Variants in TMEM130 observed in about 807,000 individuals in gnomAD.
TMEM130 encodes the protein transmembrane protein 130.
A neutral mutation model predicts 42.9 loss-of-function variants in TMEM130; 37 were observed. That is an observed-to-expected ratio of 0.86 (90% CI 0.66 to 1.13). The LOEUF is 1.13. TMEM130 is among the 50% of genes most tolerant of loss of function. The pLI is 0.00. For missense variants in TMEM130, 545 were observed against 562.6 expected (o/e 0.97, Z 0.32); for synonymous variants, 259 against 237.7 (o/e 1.09, Z -0.82).
intron 1 of TMEM130, among the ~76,000 whole-genome samples, chr7:98,865,221 C>T (rs1554400470): frequency 6.6e-6 from 1 of 152,232 alleles, no homozygotes; most frequent in Non-Finnish European, 1.5e-5. Context: ...GAGTCCCTTC[C>T]ATGGACCCCA....
At position 98,867,866 on chromosome 7, in the gene TMEM130, T is replaced by C. The variant is rs73711440; in HGVS notation, c.85+1911A>G. On this transcript the variant is annotated intron_variant, in intron 1 of 7. Coordinates refer to ENST00000339375, the MANE Select transcript of TMEM130 (RefSeq NM_152913.3). ...ATGGCCAGGACATCCAGGGTGGAAA[T>C]GGACCAGGAAGCCTTTGCCAAATGT... Among the ~76,000 whole-genome samples, 508 of 152,238 alleles carry C rather than the reference T, an allele frequency of 3.3e-3. 2 individuals are homozygous for C. Among genetic ancestry groups the C allele is most frequent in the African/African-American group, 0.011 (468 of 41,542 alleles).
At chr7:98,864,381 C>CT (rs77399182) in intron 1 of TMEM130, among the ~76,000 whole-genome samples, 1,425 of 137,906 alleles carry the variant, frequency 0.01, 8 homozygotes, top group African/African-American at 0.019. Context: ...TGATTTTTTT[C>CT]TTTTTTTTTT....
intron 1 of TMEM130, among the ~76,000 whole-genome samples, chr7:98,868,323 GC>G (rs1424871031): frequency 6.6e-6 from 1 of 152,120 alleles, no homozygotes; most frequent in African/African-American, 2.4e-5. Context: ...GACTCCAAGG[GC>G]CCCCCAAGTC....
chr7:98,851,537 G>A lies in TMEM130; in HGVS notation c.890C>T (p.Thr297Ile). The A allele has an allele frequency of 6.2e-7, 1 of 1,614,156 alleles. No individual in the cohort carries two copies. Among genetic ancestry groups the A allele is most frequent in the Non-Finnish European group, 8.5e-7 (1 of 1,180,030 alleles). ...GECHPVSVAS[T>I]AYNLTHTFRD... Reference sequence around the variant, plus strand: ...GAAGGTGTGGGTCAGGTTGTACGCTGTGCTGGCCACGGACACAGGGTGGCA... The same window carrying A: ...GAAGGTGTGGGTCAGGTTGTACGCTATGCTGGCCACGGACACAGGGTGGCA... Residue 297 changes from threonine to isoleucine, a missense_variant, in exon 6 of 8, where the codon ACA (threonine) becomes ATA (isoleucine). Coordinates refer to ENST00000339375, the MANE Select transcript of TMEM130 (RefSeq NM_152913.3).
Position 98,863,094 on chromosome 7 carries a change from C to A in TMEM130, c.391+1G>T. ...AACTAGCAAATGGGAGCGACCCTCA[C>A]CTGTGATGGGGAGGACCACAAAGCC... On this transcript the variant is annotated splice_donor_variant, in intron 2 of 7. Transcript: ENST00000339375. LOFTEE classifies it high-confidence loss of function. The A allele has an allele frequency of 1.2e-6, 2 of 1,610,390 alleles. No individual in the cohort carries two copies. The highest frequency in any genetic ancestry group is 1.7e-6 in the Non-Finnish European group (2 of 1,178,252).
At chr7:98,853,542 C>T (rs1363881096) in intron 5 of TMEM130, among the ~76,000 whole-genome samples, 4 of 152,172 alleles carry the variant, frequency 2.6e-5, no homozygotes, top group African/African-American at 2.4e-5. Context: ...GCAGGAGAAT[C>T]GCTTGAACCC....
chr7:98,852,002 A>G (rs1277021479), intron 5 of TMEM130, among the ~76,000 whole-genome samples: 2 of 152,208 alleles, frequency 1.3e-5, no homozygotes, highest in Non-Finnish European at 2.9e-5. Flanking sequence ...GCTGAAGTGC[A>G]GTGGCTCAAT....
intron 3 of TMEM130, among the ~76,000 whole-genome samples, chr7:98,856,432 C>T (rs1284834761): frequency 6.6e-6 from 1 of 152,236 alleles, no homozygotes; most frequent in Non-Finnish European, 1.5e-5. Context: ...ACAAATTTCT[C>T]ACATTAGCCA....
intron 6 of TMEM130, 127 bp downstream of exon 6, chr7:98,851,294 G>T: frequency 1.1e-6 from 1 of 908,908 alleles, no homozygotes; most frequent in African/African-American, 1.6e-5. Context: ...TGGTGCTGAT[G>T]CTAGCGGGCT....
chr7:98,865,287 C>T (rs1312269017), intron 1 of TMEM130, among the ~76,000 whole-genome samples: 42 of 152,198 alleles, frequency 2.8e-4, no homozygotes, highest in Admixed American at 2.7e-3. Context: ...CCTGGAGGGA[C>T]CTCACAGGAG....
chr7:98,854,298 C>A (rs1331841830), intron 5 of TMEM130, among the ~76,000 whole-genome samples: 1 of 152,150 alleles, frequency 6.6e-6, no homozygotes, highest in Non-Finnish European at 1.5e-5. Context: ...CTGAAAGAAC[C>A]ACATGGGCAA....
chr7:98,854,966 G>A (rs145067685), intron 5 of TMEM130, among the ~76,000 whole-genome samples: 1,843 of 152,316 alleles, frequency 0.012, 20 homozygotes, highest in South Asian at 0.033. Flanking sequence ...AACCAGGGAG[G>A]CAGAGGTCGC....
intron 3 of TMEM130, among the ~76,000 whole-genome samples, chr7:98,858,961 G>C (rs1411883733): frequency 6.8e-6 from 1 of 147,488 alleles, no homozygotes; most frequent in Admixed American, 6.8e-5. Context: ...GGGGAGGGGA[G>C]GGTAGGAAGG....
At chr7:98,848,255 C>G (rs1554397695) in intron 7 of TMEM130, 47 bp from the exon 8 acceptor site, 1 of 1,610,814 alleles carries the variant, frequency 6.2e-7, no homozygotes, top group Non-Finnish European at 8.5e-7. Flanking sequence ...CTATGATGAA[C>G]AAAATCCCAC....
At position 98,869,914 on chromosome 7, in the gene TMEM130, G is replaced by A. The variant is rs1380877688; in HGVS notation, c.-53C>T. The A allele has an allele frequency of 8.9e-6, 11 of 1,237,174 alleles. No homozygotes were observed. The Admixed American group carries it at 4.0e-4, about 45-fold the overall frequency. The allele number at this position is 1,237,174 out of a possible 1,614,324, so 76.6% of individuals were successfully genotyped here. Reference sequence around the variant, plus strand: ...GGGCGGACGCGGAGGGAATGCAGCTGGAGCTCGAGAACTGCGGCGGTCGCT... The same window carrying A: ...GGGCGGACGCGGAGGGAATGCAGCTAGAGCTCGAGAACTGCGGCGGTCGCT... On this transcript the variant is annotated 5_prime_UTR_variant, in exon 1 of 8. Coordinates refer to ENST00000339375, the MANE Select transcript of TMEM130 (RefSeq NM_152913.3). The surrounding 1 kb of genome is among the most constrained non-coding windows in gnomAD (Gnocchi z 4.7).
Position 98,863,236 on chromosome 7 carries a change from T to G in TMEM130, c.250A>C (p.Lys84Gln). The change falls in exon 2 of 8, where the codon AAG becomes CAG. Residue 84 changes from lysine to glutamine, a missense_variant. Physicochemically the swap from Lys to Gln is moderately conservative, Grantham distance 53 (BLOSUM62 1). Transcript: ENST00000339375. Reference sequence around the variant, plus strand: ...GTGGAGCTGAGACCCTTCTCCATCTTGCCAGTAAGCACCAGCGGGGTGTGG... The same window carrying G: ...GTGGAGCTGAGACCCTTCTCCATCTGGCCAGTAAGCACCAGCGGGGTGTGG... ...WIHTPLVLTG[K>Q]MEKGLSSTIR... is the part of the protein sequence containing the mutation. 6.2e-7 allele frequency: 1 copy of G among 1,614,070 alleles called. No individual in the cohort carries two copies. The highest frequency in any genetic ancestry group is 1.1e-5 in the South Asian group (1 of 91,076).
intron 3 of TMEM130, among the ~76,000 whole-genome samples, chr7:98,857,382 T>C (rs546524904): frequency 4.6e-5 from 7 of 152,294 alleles, no homozygotes; most frequent in African/African-American, 1.7e-4. Flanking sequence ...AGGTCACTTT[T>C]GTCACCAAGA....
Position 98,863,320 on chromosome 7 carries a change from T to C in TMEM130, c.166A>G (p.Lys56Glu), listed in dbSNP as rs1554400147. The C allele has an allele frequency of 6.2e-7, 1 of 1,612,458 alleles. No individual in the cohort carries two copies. The highest frequency in any genetic ancestry group is 8.5e-7 in the Non-Finnish European group (1 of 1,179,922). Residue 56 changes from lysine to glutamate, a missense_variant, in exon 2 of 8, where the codon AAG becomes GAG. Lys to Glu is a moderately conservative substitution (Grantham distance 56). Coordinates refer to ENST00000339375, the MANE Select transcript of TMEM130 (RefSeq NM_152913.3). ...GGCAGGGCCAGGCTGCCGTTGTCCTTGGCCACCAGGCTGGCCGAGATGGTC... is the reference window on the plus strand; with the variant it reads ...GGCAGGGCCAGGCTGCCGTTGTCCTCGGCCACCAGGCTGGCCGAGATGGTC... ...VVTISASLVA[K>E]DNGSLALPAD... is the part of the protein sequence containing the mutation.
rs1401121873 is a variant in TMEM130, at chr7:98,847,849, G to A, written c.*207C>T. On this transcript the variant is annotated 3_prime_UTR_variant, in exon 8 of 8. Transcript: ENST00000339375. ...CGAGTGGGGCTTATGTCAGTGGCTG[G>A]ACTGTACAGATGGGTGAATGGCTGG... 3 of 518,634 alleles carry A rather than the reference G, an allele frequency of 5.8e-6. No homozygotes were observed. The African/African-American group carries it at 5.8e-5, about 10-fold the overall frequency. 32.1% of individuals were successfully genotyped at this position (518,634 alleles called of 1,614,324 possible).
Sources: allele counts gnomAD v4.1 joint callset (sites outside exome capture counted in the v4.1 genomes callset), GRCh38; gene constraint gnomAD v4.1.1; non-coding constraint Gnocchi (gnomAD v3.1); transcripts MANE v1.5; gene names NCBI Gene and HGNC (gene_info 2026-07-23, HGNC 2026-07-21).